Variants in MMP16 observed in about 807,000 individuals in gnomAD.
The protein encoded by MMP16 is matrix metalloproteinase-16.
A neutral mutation model predicts 67.8 loss-of-function variants in MMP16; 12 were observed. That is an observed-to-expected ratio of 0.18 (90% confidence interval 0.11 to 0.29). The LOEUF is 0.29. MMP16 is among the 10% of genes least tolerant of loss of function. The pLI, the probability that MMP16 is intolerant of heterozygous loss-of-function variation, is 1.00. For missense variants in MMP16, 475 were observed against 765.7 expected, an observed-to-expected ratio of 0.62 and a Z score of 4.48; for synonymous variants, 249 against 255.9, an observed-to-expected ratio of 0.97 and a Z score of 0.26.
chr8:88,149,181 C>CA (rs1009132952), intron 4 of MMP16, among the ~76,000 whole-genome samples: 12 of 152,210 alleles, frequency 7.9e-5, no homozygotes, highest in African/African-American at 2.9e-4. Flanking sequence ...ACCACGAAAC[C>CA]ATATCCCACA....
intron 3 of MMP16, among the ~76,000 whole-genome samples, chr8:88,173,059 G>T (rs1455402539): frequency 1.3e-5 from 2 of 152,086 alleles, no homozygotes; most frequent in East Asian, 3.9e-4. Flanking sequence ...TTTTGTTGTT[G>T]TTGTGGTTAA....
At chr8:88,249,169 T>C (rs1221464451) in intron 1 of MMP16, among the ~76,000 whole-genome samples, 1 of 151,452 alleles carries the variant, frequency 6.6e-6, no homozygotes, top group African/African-American at 2.4e-5. Context: ...ACGTTCAAAA[T>C]GTCATGCAGC....
At chr8:88,216,403 T>G (rs1563564900) in intron 1 of MMP16, among the ~76,000 whole-genome samples, 1 of 152,180 alleles carries the variant, frequency 6.6e-6, no homozygotes, top group Non-Finnish European at 1.5e-5. Context: ...CATAAACATT[T>G]TCCTACAAAG....
chr8:88,116,798 T>C, intron 5 of MMP16, 80 bp from the exon 6 acceptor site: 1 of 1,278,528 alleles, frequency 7.8e-7, no homozygotes, highest in African/African-American at 1.5e-5. Context: ...GAACAATCAC[T>C]TATCAGCAGA....
At chr8:88,192,924 GAAGA>G (rs1056601278) in intron 2 of MMP16, among the ~76,000 whole-genome samples, 1 of 152,088 alleles carries the variant, frequency 6.6e-6, no homozygotes, top group Non-Finnish European at 1.5e-5. Context: ...GGGGGCATCT[GAAGA>G]AAGAGAAATC....
intron 1 of MMP16, among the ~76,000 whole-genome samples, chr8:88,282,274 C>T (rs1266357040): frequency 3.9e-5 from 6 of 152,092 alleles, no homozygotes; most frequent in African/African-American, 1.4e-4. Flanking sequence ...GGGGTTTCAC[C>T]ATGTTGGTCA....
At chr8:88,290,387 C>T (rs1230144036) in intron 1 of MMP16, among the ~76,000 whole-genome samples, 1 of 151,950 alleles carries the variant, frequency 6.6e-6, no homozygotes, top group Non-Finnish European at 1.5e-5. Context: ...CCCGTCTCTA[C>T]TAAAAAATAC....
At chr8:88,149,793 A>C (rs1808368993) in intron 4 of MMP16, among the ~76,000 whole-genome samples, 1 of 151,638 alleles carries the variant, frequency 6.6e-6, no homozygotes, top group Non-Finnish European at 1.5e-5. Flanking sequence ...GAAACTCTAA[A>C]AAGCAGAGCG....
chr8:88,157,060 G>A (rs1198397007), intron 4 of MMP16, among the ~76,000 whole-genome samples: 2 of 152,066 alleles, frequency 1.3e-5, no homozygotes, highest in African/African-American at 4.8e-5. Flanking sequence ...GATTAGATGT[G>A]ATCATAGTAT....
intron 5 of MMP16, 65 bp downstream of exon 5, chr8:88,118,635 G>GA: frequency 6.9e-7 from 1 of 1,444,422 alleles, no homozygotes; most frequent in Non-Finnish European, 9.6e-7. Flanking sequence ...TCTCAAAGAA[G>GA]AAAACACAGC....
chr8:88,142,065 C>T (rs1212360114), intron 4 of MMP16, among the ~76,000 whole-genome samples: 1 of 151,738 alleles, frequency 6.6e-6, no homozygotes, highest in Non-Finnish European at 1.5e-5. Context: ...CTTAGGCGCA[C>T]AGCTAATTTT....
chr8:88,133,078 A>G (rs28907612), intron 4 of MMP16, among the ~76,000 whole-genome samples: 9,163 of 151,830 alleles, frequency 0.06, 440 homozygotes, highest in African/African-American at 0.12. Flanking sequence ...TTAACACTGT[A>G]CCTTTTTTTT....
chr8:88,288,626 A>G lies in MMP16; in HGVS notation c.132+38449T>C, dbSNP rs80231853. ...ATTTTTTGTATTTCCCAAATTTGCA[A>G]ATATTTTTTTAAAACAAAGAAATTG... is the stretch of plus-strand genomic sequence containing the variant. On this transcript the variant is annotated intron_variant, in intron 1 of 9. Transcript: ENST00000286614. Among the ~76,000 whole-genome samples the G allele has an allele frequency of 6.3e-3, 953 of 152,338 alleles. 6 individuals carry two copies. The highest frequency in any genetic ancestry group is 0.022 in the African/African-American group (905 of 41,570).
chr8:88,118,887 T>C (rs1382070994), intron 4 of MMP16, 26 bp from the exon 5 acceptor site: 3 of 1,604,090 alleles, frequency 1.9e-6, no homozygotes, highest in Middle Eastern at 1.7e-4. Context: ...GAAAATAAGT[T>C]TTTGTAACTA....
At chr8:88,239,786 TTCAG>T (rs1810005958) in intron 1 of MMP16, among the ~76,000 whole-genome samples, 1 of 152,188 alleles carries the variant, frequency 6.6e-6, no homozygotes, top group South Asian at 2.1e-4. Context: ...TGTTTTTGCC[TTCAG>T]TTGAAATAAA....
At chr8:88,147,343 T>C (rs961563107) in intron 4 of MMP16, among the ~76,000 whole-genome samples, 1 of 152,126 alleles carries the variant, frequency 6.6e-6, no homozygotes, top group African/African-American at 2.4e-5. Context: ...TTCTCATGTT[T>C]TATGGTTTAC....
intron 1 of MMP16, among the ~76,000 whole-genome samples, chr8:88,270,600 GA>G (rs1443136720): frequency 1.3e-5 from 2 of 152,172 alleles, no homozygotes; most frequent in Non-Finnish European, 2.9e-5. Context: ...GTAAGCAAAA[GA>G]GATAAGAATT....
chr8:88,119,672 T>C (rs1342047179), intron 4 of MMP16, among the ~76,000 whole-genome samples: 1 of 152,070 alleles, frequency 6.6e-6, no homozygotes, highest in Non-Finnish European at 1.5e-5. Flanking sequence ...TGTTCAGTCC[T>C]GGATCATCAT....
At chr8:88,284,482 TG>T (rs1810791999) in intron 1 of MMP16, among the ~76,000 whole-genome samples, 1 of 151,950 alleles carries the variant, frequency 6.6e-6, no homozygotes, top group Admixed American at 6.6e-5. Flanking sequence ...TCTAAAGCTA[TG>T]CAAACAAAGA....
Sources: allele counts gnomAD v4.1 joint callset (sites outside exome capture counted in the v4.1 genomes callset), GRCh38; gene constraint gnomAD v4.1.1; transcripts MANE v1.5; gene names NCBI Gene and HGNC (gene_info 2026-07-23, HGNC 2026-07-21).